OR6Y1: variants seen among roughly 807,000 people sequenced by gnomAD.
OR6Y1 encodes olfactory receptor 6Y1.
In OR6Y1, 1 loss-of-function variant was observed where a neutral mutation model predicts 0.4. The ratio of observed to expected loss-of-function variants is 2.74; its 90% CI spans 0.97 to 13.02. The LOEUF (loss-of-function observed/expected upper bound fraction) is 13.02, where lower values mean the gene tolerates loss of function less well. OR6Y1 is among the 30% of genes most tolerant of loss of function. The pLI is 0.12. For synonymous variants in OR6Y1, 173 were observed against 141.1 expected (o/e 1.23, Z -1.60); for missense variants, 480 against 399.8 (o/e 1.20, Z -1.71).
rs373740968 is a variant in OR6Y1, at chr1:158,549,852, A to T, written c.-1432-315T>A. 7.2e-5 allele frequency among the ~76,000 whole-genome samples: 11 copies of T among 151,846 alleles called. No homozygotes were observed. In the South Asian group the frequency reaches 2.1e-3, roughly 29 times the overall value. ...TTAAAAAAATATCTTTGAGTCCAAAAATTCAAACCAACTTAAAATCTATTT... is the reference window on the plus strand; with the variant it reads ...TTAAAAAAATATCTTTGAGTCCAAATATTCAAACCAACTTAAAATCTATTT... On this transcript the variant is annotated intron_variant, in intron 1 of 1. Transcript: ENST00000641622.
chr1:158,552,492 T>G (rs1647728847), intron 1 of OR6Y1, among the ~76,000 whole-genome samples: 1 of 152,018 alleles, frequency 6.6e-6, no homozygotes, highest in Non-Finnish European at 1.5e-5. Context: ...AGGGTGGATA[T>G]GACCTTTCCC....
In OR6Y1 at chr1:158,548,276, G is replaced by T; in HGVS notation, c.-171C>A. 2 of 631,332 alleles carry T rather than the reference G, an allele frequency of 3.2e-6. No individual in the cohort carries two copies. The highest frequency in any genetic ancestry group is 5.3e-6 in the Non-Finnish European group (2 of 378,988). 39.1% of individuals were successfully genotyped at this position (631,332 alleles called of 1,614,324 possible). ...AAGAGAACCAAAGCTTTTGAGAAAA[G>T]ATGGAATTTAGGGAGCTTATATTTT... On this transcript the variant is annotated 5_prime_UTR_variant, in exon 2 of 2. Transcript: ENST00000641622.
chr1:158,553,551 T>A (rs1036000602), intron 1 of OR6Y1, among the ~76,000 whole-genome samples: 1 of 151,896 alleles, frequency 6.6e-6, no homozygotes, highest in African/African-American at 2.4e-5. Context: ...ATTATATATA[T>A]ATACATATTA....
Position 158,547,614 on chromosome 1 carries a change from C to A in OR6Y1, c.492G>T (p.Lys164Asn), listed in dbSNP as rs765482570. 6.2e-7 allele frequency: 1 copy of A among 1,613,138 alleles called. No homozygotes were observed. Among genetic ancestry groups the A allele is most frequent in the African/African-American group, 1.3e-5 (1 of 74,388 alleles). ...WFCGLMTAMI[K>N]MVFIAQLHYC... is the part of the protein sequence containing the mutation. ...AGTGAAGTTGTGCTATAAAAACCAT[C>A]TTAATCATGGCAGTCATGAGTCCAC... Residue 164 changes from lysine (K) to asparagine (N), a missense_variant, in exon 2 of 2, where the codon AAG becomes AAT. By Grantham distance (94) the Lys-to-Asn change is moderately conservative. Coordinates refer to ENST00000641622, the MANE Select transcript of OR6Y1 (RefSeq NM_001005189.2).
rs140897921 is a variant in OR6Y1 at position 158,548,397 on chromosome 1, A to G, written c.-292T>C. 27 of 273,018 alleles carry G rather than the reference A, an allele frequency of 9.9e-5. No individual in the cohort carries two copies. The East Asian group carries it at 1.9e-3, about 19-fold the overall frequency. The allele number at this position is 273,018 out of a possible 1,614,324, so 16.9% of individuals were successfully genotyped here. On this transcript the variant is annotated 5_prime_UTR_variant, in exon 2 of 2. Coordinates refer to ENST00000641622, the MANE Select transcript of OR6Y1 (RefSeq NM_001005189.2). ...TAAATCCCAGTTCTGTGCTTTACCAATATATCACTTTTGGGCACATAAATG... is the reference window on the plus strand; with the variant it reads ...TAAATCCCAGTTCTGTGCTTTACCAGTATATCACTTTTGGGCACATAAATG...
rs1246537662 is a variant in OR6Y1 at position 158,545,464 on chromosome 1, A to G, written c.*1664T>C. On this transcript the variant is annotated 3_prime_UTR_variant, in exon 2 of 2. Transcript: ENST00000641622. ...GCACGTTGTGCACATGTACCCTAAA[A>G]CTTAAAGTATAATAATAATAAAATA... is the stretch of plus-strand genomic sequence containing the variant. 1.4e-5 allele frequency: 2 copies of G among 146,084 alleles called. No homozygotes were observed. The highest frequency in any genetic ancestry group is 4.1e-4 in the East Asian group (2 of 4,862). 9.0% of individuals were successfully genotyped at this position (146,084 alleles called of 1,614,324 possible).
rs1157447659 is a variant in OR6Y1 at position 158,546,877 on chromosome 1, GT to G, written c.*250del. On this transcript the variant is annotated 3_prime_UTR_variant, in exon 2 of 2. Coordinates refer to ENST00000641622, the MANE Select transcript of OR6Y1 (RefSeq NM_001005189.2). ...CCACTCTCTCTGTCTCTCTCTCTGT[GT>G]TTCTTCCTGATTTCAAATAGCTTTT... 14 of 331,738 alleles carry G rather than the reference GT, an allele frequency of 4.2e-5. No individual in the cohort carries two copies. The highest frequency in any genetic ancestry group is 7.2e-5 in the Non-Finnish European group (13 of 180,358). The allele number at this position is 331,738 out of a possible 1,614,324, so 20.5% of individuals were successfully genotyped here. A position where few individuals can be genotyped will look rare whatever the true frequency, so the allele number is the denominator to read the frequency against.
rs752058535 is a variant in OR6Y1, at chr1:158,547,209, G to T, written c.897C>A (p.Asn299Lys). The change falls in exon 2 of 2, where the codon AAC (asparagine) becomes AAA (lysine). Residue 299 changes from asparagine to lysine, a missense_variant. Physicochemically the swap from Asn to Lys is moderately conservative, Grantham distance 94. Transcript: ENST00000641622. The stretch of plus-strand genomic sequence containing the variant: ...TTCTGAGGGCTGCCTTTACTTCATG[G>T]TTCCTCAGACAGTAAATGATGGGGT... ...LLNPIIYCLR[N>K]HEVKAALRKT... The T allele has an allele frequency of 3.3e-5, 54 of 1,613,404 alleles. No homozygotes were observed. The highest frequency in any genetic ancestry group is 3.3e-4 in the Middle Eastern group (2 of 6,082).
chr1:158,547,185 T>C lies in OR6Y1; in HGVS notation c.921A>G (p.Arg307=). ...LRNHEVKAAL[R]KTIHCRGSGP... ...CACTTCCTCTGCAATGTATGGTCTT[T>C]CTGAGGGCTGCCTTTACTTCATGGT... The change falls in exon 2 of 2, where the codon AGA becomes AGG. Residue 307 remains arginine (R), a synonymous_variant. Coordinates refer to ENST00000641622, the MANE Select transcript of OR6Y1 (RefSeq NM_001005189.2). 6.2e-7 allele frequency: 1 copy of C among 1,613,602 alleles called. No individual in the cohort carries two copies. The highest frequency in any genetic ancestry group is 8.5e-7 in the Non-Finnish European group (1 of 1,179,932).
At chr1:158,551,212 A>T (rs1647696790) in intron 1 of OR6Y1, among the ~76,000 whole-genome samples, 1 of 151,616 alleles carries the variant, frequency 6.6e-6, no homozygotes. Flanking sequence ...GGAGAATCAA[A>T]GGGCCAGGCT....
Position 158,550,764 on chromosome 1 carries a change from T to C in OR6Y1, c.-1432-1227A>G, listed in dbSNP as rs375120806. Among the ~76,000 whole-genome samples the C allele has an allele frequency of 2.0e-5, 3 of 151,876 alleles. No individual in the cohort carries two copies. The East Asian group carries it at 5.8e-4, about 29-fold the overall frequency. Reference sequence around the variant, plus strand: ...GTTTAGACAGTCCATTGGGCAGGCTTGTGAGGAAGAGAGCAAGGTTCACAT... The same window carrying C: ...GTTTAGACAGTCCATTGGGCAGGCTCGTGAGGAAGAGAGCAAGGTTCACAT... On this transcript the variant is annotated intron_variant, in intron 1 of 1. Coordinates refer to ENST00000641622, the MANE Select transcript of OR6Y1 (RefSeq NM_001005189.2).
At position 158,548,288 on chromosome 1, in the gene OR6Y1, G is replaced by A. The variant is rs1647610157; in HGVS notation, c.-183C>T. The A allele has an allele frequency of 1.7e-6, 1 of 585,784 alleles. No homozygotes were observed. The highest frequency in any genetic ancestry group is 2.9e-6 in the Non-Finnish European group (1 of 342,852). 36.3% of individuals were successfully genotyped at this position (585,784 alleles called of 1,614,324 possible). A position where few individuals can be genotyped will look rare whatever the true frequency, so the allele number is the denominator to read the frequency against. ...GCTTTTGAGAAAAGATGGAATTTAG[G>A]GAGCTTATATTTTAACTTGTTTTCA... On this transcript the variant is annotated 5_prime_UTR_variant, in exon 2 of 2. Coordinates refer to ENST00000641622, the MANE Select transcript of OR6Y1 (RefSeq NM_001005189.2).
Position 158,546,986 on chromosome 1 carries a change from C to T in OR6Y1, c.*142G>A. On this transcript the variant is annotated 3_prime_UTR_variant, in exon 2 of 2. Coordinates refer to ENST00000641622, the MANE Select transcript of OR6Y1 (RefSeq NM_001005189.2). The stretch of plus-strand genomic sequence containing the variant: ...GTTTCTCCAGTCATGATTGTGTATA[C>T]ACACACACACACATGCACACACACA... The T allele has an allele frequency of 5.7e-5, 29 of 506,880 alleles. No individual in the cohort carries two copies. Among genetic ancestry groups the T allele is most frequent in the South Asian group, 8.9e-5 (3 of 33,842 alleles). 31.4% of individuals were successfully genotyped at this position (506,880 alleles called of 1,614,324 possible).
chr1:158,550,749 T>C (rs1326923960), intron 1 of OR6Y1, among the ~76,000 whole-genome samples: 1 of 151,782 alleles, frequency 6.6e-6, no homozygotes, highest in Non-Finnish European at 1.5e-5. Flanking sequence ...GTTTAGACAG[T>C]CCATTGGGCA....
rs56115974 is a variant in OR6Y1 at position 158,545,480 on chromosome 1, T to TAATAAAATAA, written c.*1638_*1647dup. ...TACCCTAAAACTTAAAGTATAATAATAATAAAATAAAATAAAATAAAATAA... is the reference window on the plus strand; with the variant it reads ...TACCCTAAAACTTAAAGTATAATAATAATAAAATAAAATAAAATAAAATAAAATAAAATAA... On this transcript the variant is annotated 3_prime_UTR_variant, in exon 2 of 2. Transcript: ENST00000641622. The TAATAAAATAA allele has an allele frequency of 4.1e-3, 617 of 149,812 alleles. 5 individuals are homozygous for TAATAAAATAA. The highest frequency in any genetic ancestry group is 0.014 in the Middle Eastern group (4 of 288). 9.3% of individuals were successfully genotyped at this position (149,812 alleles called of 1,614,324 possible). A position where few individuals can be genotyped will look rare whatever the true frequency, so the allele number is the denominator to read the frequency against.
Position 158,549,398 on chromosome 1 carries a change from A to G in OR6Y1, c.-1293T>C, listed in dbSNP as rs1045676894. 6.8e-6 allele frequency: 1 copy of G among 146,694 alleles called. No homozygotes were observed. Among genetic ancestry groups the G allele is most frequent in the African/African-American group, 2.5e-5 (1 of 39,252 alleles). 9.1% of individuals were successfully genotyped at this position (146,694 alleles called of 1,614,324 possible). On this transcript the variant is annotated 5_prime_UTR_variant, in exon 2 of 2. An upstream open reading frame in the 5' UTR loses its in-frame stop. Coordinates refer to ENST00000641622, the MANE Select transcript of OR6Y1 (RefSeq NM_001005189.2). Reference sequence around the variant, plus strand: ...TTGATCCCCATTTCTCAACAGCTCTATTTTATGGCATAAATATGTAGGACA... The same window carrying G: ...TTGATCCCCATTTCTCAACAGCTCTGTTTTATGGCATAAATATGTAGGACA...
Position 158,547,347 on chromosome 1 carries a change from T to C in OR6Y1, c.759A>G (p.Val253=), listed in dbSNP as rs1157733761. Residue 253 remains valine, a synonymous_variant, in exon 2 of 2, where the codon GTA becomes GTG. Transcript: ENST00000641622. ...FSTCASHLTV[V]ILFYSMTLFT... is the part of the protein sequence containing the mutation. ...AAAGTGTCATGGAATAGAAGAGAAT[T>C]ACGACGGTCAGGTGGGAGGCACAGG... 6.2e-7 allele frequency: 1 copy of C among 1,613,442 alleles called. No individual in the cohort carries two copies. The highest frequency in any genetic ancestry group is 1.1e-5 in the South Asian group (1 of 91,076).
chr1:158,548,427 C>A lies in OR6Y1; in HGVS notation c.-322G>T, dbSNP rs565008491. ...TCACTTTTGGGCACATAAATGGTCT[C>A]CAGACCACCCTTTCACTACAGGCAA... On this transcript the variant is annotated 5_prime_UTR_variant, in exon 2 of 2. Coordinates refer to ENST00000641622, the MANE Select transcript of OR6Y1 (RefSeq NM_001005189.2). The A allele has an allele frequency of 3.4e-5, 7 of 206,564 alleles. No homozygotes were observed. Among genetic ancestry groups the A allele is most frequent in the Admixed American group, 2.6e-4 (5 of 18,960 alleles). The allele number at this position is 206,564 out of a possible 1,614,324, so 12.8% of individuals were successfully genotyped here. A position where few individuals can be genotyped will look rare whatever the true frequency, so the allele number is the denominator to read the frequency against.
rs866761108 is a variant in OR6Y1, at chr1:158,552,240, G to A, written c.-1433+2026C>T. Among the ~76,000 whole-genome samples, 254 of 139,298 alleles carry A rather than the reference G, an allele frequency of 1.8e-3. 2 individuals are homozygous for A. The highest frequency in any genetic ancestry group is 3.7e-3 in the Middle Eastern group (1 of 272). The allele number at this position is 139,298 out of a possible 152,430, so 91.4% of individuals were successfully genotyped here. A position where few individuals can be genotyped will look rare whatever the true frequency, so the allele number is the denominator to read the frequency against. ...TATGTATGTATGGAGATATATATAT[G>A]TATATATATATATATATATATGGCC... On this transcript the variant is annotated intron_variant, in intron 1 of 1. Coordinates refer to ENST00000641622, the MANE Select transcript of OR6Y1 (RefSeq NM_001005189.2).
Sources: gnomAD v4.1 joint callset for allele counts (sites outside exome capture counted in the v4.1 genomes callset) on GRCh38, gnomAD v4.1.1 for gene constraint, MANE v1.5 for transcripts, NCBI Gene and HGNC (gene_info 2026-07-23, HGNC 2026-07-21) for gene names.